Variants in HDLBP observed in about 807,000 individuals in gnomAD.
HDLBP encodes vigilin.
A neutral mutation model predicts 137.3 loss-of-function variants in HDLBP; 30 were observed. The ratio of observed to expected loss-of-function variants is 0.22; its 90% confidence interval spans 0.16 to 0.30. The LOEUF (loss-of-function observed/expected upper bound fraction) is 0.30, where lower values mean the gene tolerates loss of function less well. HDLBP is among the 10% of genes least tolerant of loss of function. HDLBP has a pLI of 1.00. For missense variants in HDLBP, 1,119 were observed against 1,667.3 expected (o/e 0.67, Z 5.73); for synonymous variants, 606 against 596.0 (o/e 1.02, Z -0.24).
chr2:241,279,839 A>T, intron 1 of HDLBP: 1 of 858,290 alleles, frequency 1.2e-6, no homozygotes, highest in Non-Finnish European at 1.4e-6. Context: ...CACTGCTAGT[A>T]ATAGTCAACA....
intron 1 of HDLBP, among the ~76,000 whole-genome samples, chr2:241,314,556 T>C (rs748036301): frequency 2.0e-5 from 3 of 152,230 alleles, no homozygotes; most frequent in Non-Finnish European, 4.4e-5. Context: ...TCCTTAAGAT[T>C]ACGACTCATC....
chr2:241,268,202 C>T (rs992664619), intron 2 of HDLBP, among the ~76,000 whole-genome samples: 2 of 152,108 alleles, frequency 1.3e-5, no homozygotes, highest in East Asian at 1.9e-4. Flanking sequence ...AGCAAGACCC[C>T]AATTCAGATA....
chr2:241,255,653 T>C lies in HDLBP; in HGVS notation c.874-73A>G, dbSNP rs189703633. 1.4e-4 allele frequency: 166 copies of C among 1,218,810 alleles called. No individual in the cohort carries two copies. The African/African-American group carries it at 2.0e-3, about 15-fold the overall frequency. The allele number at this position is 1,218,810 out of a possible 1,614,324, so 75.5% of individuals were successfully genotyped here. ...GCGGGCAGGTGGGCATGGCCACTGC[T>C]GCAGAAAGCAAGCCAAAGCGGCCCA... is the stretch of plus-strand genomic sequence containing the variant. On this transcript the variant is annotated intron_variant, in intron 7 of 27. Transcript: ENST00000310931.
At chr2:241,286,913 T>A (rs2074834280) in intron 1 of HDLBP, among the ~76,000 whole-genome samples, 1 of 146,530 alleles carries the variant, frequency 6.8e-6, no homozygotes, top group Non-Finnish European at 1.5e-5. Context: ...ACCACTGCAC[T>A]CCAGCCTGGA....
intron 1 of HDLBP, chr2:241,271,029 C>A: frequency 2.0e-6 from 2 of 985,398 alleles, no homozygotes; most frequent in Non-Finnish European, 2.4e-6. Flanking sequence ...CCCTGCATGG[C>A]TGTAAACGCT....
At position 241,309,601 on chromosome 2, in the gene HDLBP, G is replaced by A. The variant is rs541317504; in HGVS notation, c.-103+5969C>T. Among the ~76,000 whole-genome samples, 14 of 152,266 alleles carry A rather than the reference G, an allele frequency of 9.2e-5. No homozygotes were observed. In the South Asian group the frequency reaches 1.7e-3, roughly 18 times the overall value. ...ACCTGAATTAAAAACAGAGTTGGCT[G>A]ATAGGTTTAAAAGGCACGAAGATCC... On this transcript the variant is annotated intron_variant, in intron 1 of 27. Transcript: ENST00000310931.
In HDLBP at chr2:241,264,524, C is replaced by A. The variant is rs1329961135; in HGVS notation, c.158G>T (p.Cys53Phe). 6.2e-7 allele frequency: 1 copy of A among 1,613,616 alleles called. No homozygotes were observed. Among genetic ancestry groups the A allele is most frequent in the African/African-American group, 1.3e-5 (1 of 74,860 alleles). The change falls in exon 4 of 28, where the codon TGC becomes TTC. Residue 53 changes from cysteine to phenylalanine, a missense_variant. Transcript: ENST00000310931. ...AGCGGGTTCCTGGGCACTTTCCAGGCAAGCAGCTTTCTCAGGAAGTGGAGG... is the reference window on the plus strand; with the variant it reads ...AGCGGGTTCCTGGGCACTTTCCAGGAAAGCAGCTTTCTCAGGAAGTGGAGG... ...AFPPLPEKAACLESAQEPAGA... is the reference protein window; with the variant it reads ...AFPPLPEKAAFLESAQEPAGA...
chr2:241,236,848 G>T, intron 20 of HDLBP, 79 bp from the exon 21 acceptor site: 1 of 1,467,968 alleles, frequency 6.8e-7, no homozygotes, highest in Non-Finnish European at 9.4e-7. Flanking sequence ...ATATGTCTGT[G>T]AGGCACCTGC....
chr2:241,250,127 A>G lies in HDLBP; in HGVS notation c.1373-147T>C, dbSNP rs2072010154. ...ACGATGCTTAGCTTCCCAAACAAAAATCTCCATTGTCTAGAATGGGGGCCA... is the reference window on the plus strand; with the variant it reads ...ACGATGCTTAGCTTCCCAAACAAAAGTCTCCATTGTCTAGAATGGGGGCCA... On this transcript the variant is annotated intron_variant, in intron 11 of 27. Transcript: ENST00000310931. The G allele has an allele frequency of 2.7e-5, 20 of 745,672 alleles. No individual in the cohort carries two copies. The South Asian group carries it at 3.2e-4, about 12-fold the overall frequency. 46.2% of individuals were successfully genotyped at this position (745,672 alleles called of 1,614,324 possible).
intron 21 of HDLBP, 183 bp downstream of exon 21, chr2:241,236,432 G>C: frequency 1.6e-6 from 1 of 632,886 alleles, no homozygotes; most frequent in Non-Finnish European, 2.8e-6. Context: ...AAGGGAAGTG[G>C]CCTCCCCAAA....
At position 241,264,541 on chromosome 2, in the gene HDLBP, A is replaced by T. The variant is rs1242296550; in HGVS notation, c.141T>A (p.Leu47=). 1.2e-6 allele frequency: 2 copies of T among 1,613,818 alleles called. No individual in the cohort carries two copies. Among genetic ancestry groups the T allele is most frequent in the Admixed American group, 3.3e-5 (2 of 59,992 alleles). ...PPTYKDAFPP[L]PEKAACLESA... ...TTTCCAGGCAAGCAGCTTTCTCAGG[A>T]AGTGGAGGGAAGGCATCCTTGTAGG... Residue 47 remains leucine, a synonymous_variant, in exon 4 of 28, where the codon CTT becomes CTA. Transcript: ENST00000310931.
At chr2:241,264,738 CTCTCT>C (rs1574965471) in intron 3 of HDLBP, 133 bp from the exon 4 acceptor site, 2 of 829,018 alleles carry the variant, frequency 2.4e-6, no homozygotes, top group East Asian at 5.4e-5. Flanking sequence ...CCCCCCACCC[CTCTCT>C]TCTAATTCAT....
rs770661613 is a variant in HDLBP, at chr2:241,242,441, G to T, written c.2169+19C>A. ...GACCAGGCTTCCTGCCAAGAGTCAC[G>T]CTCCCTCCCCATGCTCACCTTCTCC... On this transcript the variant is annotated intron_variant, in intron 17 of 27. Coordinates refer to ENST00000310931, the MANE Select transcript of HDLBP (RefSeq NM_005336.6). The T allele has an allele frequency of 1.0e-5, 16 of 1,603,398 alleles. No individual in the cohort carries two copies. Among genetic ancestry groups the T allele is most frequent in the Non-Finnish European group, 1.4e-5 (16 of 1,171,358 alleles).
chr2:241,259,804 C>A (rs575445024), intron 5 of HDLBP, among the ~76,000 whole-genome samples: 1 of 152,092 alleles, frequency 6.6e-6, no homozygotes, highest in African/African-American at 2.4e-5. Flanking sequence ...ATTATCCTAG[C>A]TCTGTCTTCT....
intron 24 of HDLBP, among the ~76,000 whole-genome samples, chr2:241,232,275 C>CTT (rs146304027): frequency 0.046 from 6,660 of 143,428 alleles, 226 homozygotes; most frequent in Non-Finnish European, 0.06. Flanking sequence ...TAAACAATGA[C>CTT]TTTTTTTTTT....
chr2:241,296,062 A>C (rs1293741156), intron 1 of HDLBP, among the ~76,000 whole-genome samples: 1 of 151,792 alleles, frequency 6.6e-6, no homozygotes, highest in Admixed American at 6.6e-5. Context: ...ATTCTCCTAA[A>C]AATTCACCTA....
At chr2:241,273,899 G>GAGGGC (rs1342257887) in intron 1 of HDLBP, among the ~76,000 whole-genome samples, 23 of 151,982 alleles carry the variant, frequency 1.5e-4, no homozygotes, top group Non-Finnish European at 3.1e-4. Context: ...CAGGGGAGGG[G>GAGGGC]AGGGCAGGGG....
chr2:241,236,358 G>T, intron 21 of HDLBP: 1 of 523,972 alleles, frequency 1.9e-6, no homozygotes, highest in East Asian at 3.3e-5. Flanking sequence ...CCCACCGTGG[G>T]CCTGAGAGGC....
intron 1 of HDLBP, among the ~76,000 whole-genome samples, chr2:241,289,582 T>A (rs2074941675): frequency 1.3e-5 from 2 of 152,270 alleles, no homozygotes; most frequent in South Asian, 4.1e-4. Context: ...AACTTAGATG[T>A]CTCATCTATA....
Sources: gnomAD v4.1 joint callset for allele counts (sites outside exome capture counted in the v4.1 genomes callset) on GRCh38, gnomAD v4.1.1 for gene constraint, MANE v1.5 for transcripts, NCBI Gene and HGNC (gene_info 2026-07-23, HGNC 2026-07-21) for gene names.